The following VCL variants were observed in gnomAD, a reference collection of about 807,000 sequenced individuals.
VCL encodes the protein epididymis luminal protein 114.
In VCL, 47 loss-of-function variants were observed where a neutral mutation model predicts 125.7. The ratio of observed to expected loss-of-function variants is 0.37; its 90% CI spans 0.30 to 0.48. The LOEUF (loss-of-function observed/expected upper bound fraction) is 0.48, where lower values mean the gene tolerates loss of function less well. Among genes scored for constraint, VCL ranks in the 20% least tolerant of loss-of-function variants. The pLI, the probability that VCL is intolerant of heterozygous loss-of-function variation, is 0.99. For missense variants in VCL, 1,069 were observed against 1,455.5 expected, an observed-to-expected ratio of 0.73 and a Z score of 4.32; for synonymous variants, 458 against 514.6, an observed-to-expected ratio of 0.89 and a Z score of 1.49.
intron 1 of VCL, among the ~76,000 whole-genome samples, chr10:74,026,308 G>A (rs1840771732): frequency 6.6e-6 from 1 of 152,136 alleles, no homozygotes; most frequent in Admixed American, 6.5e-5. Context: ...TGATTTGGGG[G>A]CTGCTTTTTA....
At chr10:74,087,411 T>C (rs1839800861) in intron 8 of VCL, among the ~76,000 whole-genome samples, 1 of 147,906 alleles carries the variant, frequency 6.8e-6, no homozygotes, top group African/African-American at 2.5e-5. Flanking sequence ...AGTGGCGTGA[T>C]CTCGGCTCAC....
In VCL at chr10:74,118,233, C is replaced by T. The variant is rs781735621; in HGVS notation, c.*64C>T. The T allele has an allele frequency of 1.9e-6, 3 of 1,604,252 alleles. No individual in the cohort carries two copies. Among genetic ancestry groups the T allele is most frequent in the African/African-American group, 1.3e-5 (1 of 74,666 alleles). On this transcript the variant is annotated 3_prime_UTR_variant, in exon 22 of 22. Transcript: ENST00000211998. ...AAAAAGAAGGAAAATGATCTGAGTCCCAGGAGCTGCCCAGAGTTGCTGGGA... is the reference window on the plus strand; with the variant it reads ...AAAAAGAAGGAAAATGATCTGAGTCTCAGGAGCTGCCCAGAGTTGCTGGGA...
intron 19 of VCL, among the ~76,000 whole-genome samples, chr10:74,113,196 C>T (rs1380289457): frequency 6.6e-6 from 1 of 152,176 alleles, no homozygotes; most frequent in Non-Finnish European, 1.5e-5. Flanking sequence ...TTGAACACTG[C>T]AGTTGCTATG....
At position 74,089,369 on chromosome 10, in the gene VCL, G is replaced by A. The variant is rs370298549; in HGVS notation, c.1176+20G>A. 2.9e-5 allele frequency: 46 copies of A among 1,613,254 alleles called. No homozygotes were observed. In the African/African-American group the frequency reaches 6.0e-4, roughly 21 times the overall value. ...GCTCAGGTAGTCACAGTGATTTTCA[G>A]GAGGGGTGGGAAATATTTCATAAAT... On this transcript the variant is annotated intron_variant, in intron 9 of 21. Transcript: ENST00000211998.
rs1450486090 is a variant in VCL at position 73,998,130 on chromosome 10, CTG to C, written c.-76_-75del. The C allele has an allele frequency of 1.9e-6, 3 of 1,564,320 alleles. No individual in the cohort carries two copies. Among genetic ancestry groups the C allele is most frequent in the Non-Finnish European group, 2.6e-6 (3 of 1,155,628 alleles). On this transcript the variant is annotated 5_prime_UTR_variant, in exon 1 of 22. Transcript: ENST00000211998. The stretch of plus-strand genomic sequence containing the variant: ...CCCGACTCCGTAGTCGCTGCACAGT[CTG>C]TCTCTTCGCCGGTTCCCGGCCCCGT...
intron 1 of VCL, among the ~76,000 whole-genome samples, chr10:74,016,631 T>A (rs2136230322): frequency 6.6e-6 from 1 of 152,312 alleles, no homozygotes; most frequent in South Asian, 2.1e-4. Context: ...AATCTTATTG[T>A]TTTGAGGCTG....
At chr10:74,025,487 G>A (rs1425707806) in intron 1 of VCL, among the ~76,000 whole-genome samples, 7 of 151,790 alleles carry the variant, frequency 4.6e-5, no homozygotes, top group South Asian at 2.1e-4. Flanking sequence ...GGTGGTGTGC[G>A]TCTATAGTTC....
rs777352656 is a variant in VCL at position 74,094,307 on chromosome 10, C to T, written c.1389C>T (p.Ala463=). ...KGDSPEARAL[A]KQVATALQNL... The stretch of plus-strand genomic sequence containing the variant: ...ATTCTCCAGAGGCTCGAGCCTTGGC[C>T]AAACAGGTGGCCACGGCCCTGCAGA... Residue 463 remains alanine (A), a synonymous_variant, in exon 11 of 22, where the codon GCC becomes GCT. Transcript: ENST00000211998. The T allele has an allele frequency of 1.9e-6, 3 of 1,614,020 alleles. No individual in the cohort carries two copies. The highest frequency in any genetic ancestry group is 4.5e-5 in the East Asian group (2 of 44,896).
chr10:74,093,464 T>A (rs1839920721), intron 10 of VCL, among the ~76,000 whole-genome samples: 1 of 152,036 alleles, frequency 6.6e-6, no homozygotes, highest in South Asian at 2.1e-4. Flanking sequence ...CATCATAGGG[T>A]TGTTGTAAGG....
intron 8 of VCL, among the ~76,000 whole-genome samples, chr10:74,084,288 T>C (rs1447525792): frequency 6.6e-6 from 1 of 150,934 alleles, no homozygotes; most frequent in East Asian, 2.0e-4. Context: ...TGTTTTTATT[T>C]ATTTATTTAT....
intron 11 of VCL, among the ~76,000 whole-genome samples, chr10:74,095,330 C>A (rs1180868738): frequency 6.6e-6 from 1 of 151,984 alleles, no homozygotes; most frequent in African/African-American, 2.4e-5. Flanking sequence ...GTGGCTCATC[C>A]CTGTAATCCC....
At position 74,082,489 on chromosome 10, in the gene VCL, A is replaced by G; in HGVS notation, c.819A>G (p.Ile273Met). The G allele has an allele frequency of 1.2e-6, 2 of 1,614,186 alleles. No homozygotes were observed. The highest frequency in any genetic ancestry group is 1.7e-6 in the Non-Finnish European group (2 of 1,180,028). ...TEAMKRALAS[I>M]DSKLNQAKGW... Reference sequence around the variant, plus strand: ...CCATGAAGAGAGCATTGGCCTCCATAGACTCCAAACTGAACCAGGCCAAAG... The same window carrying G: ...CCATGAAGAGAGCATTGGCCTCCATGGACTCCAAACTGAACCAGGCCAAAG... The change falls in exon 7 of 22, where the codon ATA (isoleucine) becomes ATG (methionine). Residue 273 changes from isoleucine (I) to methionine (M), a missense_variant. Physicochemically the swap from Ile to Met is conservative, Grantham distance 10 (BLOSUM62 1). Coordinates refer to ENST00000211998, the MANE Select transcript of VCL (RefSeq NM_014000.3).
intron 8 of VCL, among the ~76,000 whole-genome samples, 153 bp downstream of exon 8, chr10:74,083,666 G>T (rs1839717036): frequency 6.6e-6 from 1 of 152,028 alleles, no homozygotes; most frequent in Admixed American, 6.6e-5. Context: ...AGATGGAGGT[G>T]AACTTTCCCT....
intron 2 of VCL, among the ~76,000 whole-genome samples, chr10:74,045,210 A>G (rs1841175504): frequency 6.6e-6 from 1 of 152,078 alleles, no homozygotes; most frequent in Non-Finnish European, 1.5e-5. Context: ...AAAAAGAGAA[A>G]TGAATGAATC....
intron 21 of VCL, among the ~76,000 whole-genome samples, chr10:74,116,568 C>T (rs1307961351): frequency 1.3e-5 from 2 of 151,736 alleles, no homozygotes; most frequent in Admixed American, 6.6e-5. Flanking sequence ...GGAAAAAACA[C>T]AGGACTGTTT....
At chr10:74,107,402 C>T in intron 17 of VCL, 48 bp downstream of exon 17, 1 of 1,613,944 alleles carries the variant, frequency 6.2e-7, no homozygotes, top group Non-Finnish European at 8.5e-7. Flanking sequence ...GGTGTTGAGA[C>T]TTCAGCAAGA....
intron 2 of VCL, among the ~76,000 whole-genome samples, chr10:74,069,095 T>TCTGGAGTTAGACTAA (rs1196322915): frequency 6.6e-6 from 1 of 151,984 alleles, no homozygotes; most frequent in African/African-American, 2.4e-5. Flanking sequence ...TCTAACTCTG[T>TCTGGAGTTAGACTAA]CACCCAGGCT....
At chr10:74,007,417 A>G (rs1279047126) in intron 1 of VCL, among the ~76,000 whole-genome samples, 3 of 152,114 alleles carry the variant, frequency 2.0e-5, no homozygotes, top group African/African-American at 7.2e-5. Context: ...TTACACTCAT[A>G]CTTGTTCAGT....
At chr10:74,000,848 G>T (rs147774532) in intron 1 of VCL, among the ~76,000 whole-genome samples, 3 of 152,332 alleles carry the variant, frequency 2.0e-5, no homozygotes, top group African/African-American at 7.2e-5. Context: ...ATGTAGTTAA[G>T]TTATATACTT....
Sources: allele counts gnomAD v4.1 joint callset (sites outside exome capture counted in the v4.1 genomes callset), GRCh38; gene constraint gnomAD v4.1.1; transcripts MANE v1.5; gene names NCBI Gene and HGNC (gene_info 2026-07-23, HGNC 2026-07-21).